Variants in SLC10A7 observed in about 807,000 individuals in gnomAD.
SLC10A7 encodes the protein solute carrier family 10 member 7, also known as sodium/bile acid cotransporter 7.
SLC10A7 carries 29 observed loss-of-function variants against 43.2 expected under a neutral mutation model. The observed-to-expected ratio is 0.67, with a 90% CI of 0.50 to 0.92. The LOEUF is 0.92. SLC10A7 is among the 40% of genes least tolerant of loss of function. The pLI, the probability that SLC10A7 is intolerant of heterozygous loss-of-function variation, is 0.00. For missense variants in SLC10A7, 295 were observed against 403.2 expected (o/e 0.73, Z 2.30); for synonymous variants, 152 against 144.8 (o/e 1.05, Z -0.35).
intron 4 of SLC10A7, among the ~76,000 whole-genome samples, chr4:146,454,250 T>C (rs936582773): frequency 1.1e-4 from 17 of 151,932 alleles, no homozygotes; most frequent in Admixed American, 6.6e-4. Context: ...ATAATTGAGG[T>C]GAAATTAAAC....
intron 5 of SLC10A7, among the ~76,000 whole-genome samples, chr4:146,389,980 G>T (rs956988281): frequency 6.6e-6 from 1 of 152,106 alleles, no homozygotes; most frequent in Non-Finnish European, 1.5e-5. Context: ...GCAACCTATG[G>T]AATCTCAAAA....
chr4:146,447,245 C>G lies in SLC10A7; in HGVS notation c.397-4424G>C, dbSNP rs954656068. Among the ~76,000 whole-genome samples the G allele has an allele frequency of 2.6e-5, 4 of 152,028 alleles. No individual in the cohort carries two copies. In the East Asian group the frequency reaches 7.7e-4, roughly 29 times the overall value. On this transcript the variant is annotated intron_variant, in intron 4 of 11. Transcript: ENST00000335472. Reference sequence around the variant, plus strand: ...CAGTATGACTGTAAACCATAAATGACCAAAAATTAGCCACCATGCCTAGCT... The same window carrying G: ...CAGTATGACTGTAAACCATAAATGAGCAAAAATTAGCCACCATGCCTAGCT...
chr4:146,506,256 T>A (rs1736882727), intron 3 of SLC10A7, among the ~76,000 whole-genome samples: 1 of 151,618 alleles, frequency 6.6e-6, no homozygotes, highest in Non-Finnish European at 1.5e-5. Flanking sequence ...TGAGATGCCA[T>A]CTCAAAAAAA....
At chr4:146,494,386 T>G (rs1231537692) in intron 4 of SLC10A7, among the ~76,000 whole-genome samples, 1 of 152,178 alleles carries the variant, frequency 6.6e-6, no homozygotes, top group Admixed American at 6.5e-5. Flanking sequence ...ACGTAAATAC[T>G]TCTCGCCCAA....
chr4:146,295,051 T>C (rs1730685564), intron 7 of SLC10A7, among the ~76,000 whole-genome samples: 1 of 152,164 alleles, frequency 6.6e-6, no homozygotes. Flanking sequence ...AGGGAACTTA[T>C]CCTGATAAGG....
At chr4:146,475,687 A>C (rs1733959404) in intron 4 of SLC10A7, among the ~76,000 whole-genome samples, 3 of 152,234 alleles carry the variant, frequency 2.0e-5, no homozygotes, top group Admixed American at 6.5e-5. Context: ...CCTCAGGTGA[A>C]GATAAATATA....
chr4:146,348,948 G>A (rs1418407182), intron 5 of SLC10A7, among the ~76,000 whole-genome samples: 3 of 152,096 alleles, frequency 2.0e-5, no homozygotes. Flanking sequence ...GAGACATTAG[G>A]AAATGCCTGA....
chr4:146,409,363 T>A (rs2149829339), intron 5 of SLC10A7, among the ~76,000 whole-genome samples: 1 of 144,028 alleles, frequency 6.9e-6, no homozygotes, highest in Non-Finnish European at 1.5e-5. Flanking sequence ...ACTGTCAAAC[T>A]CAAAAAAGTA....
chr4:146,396,128 A>T (rs1456587620), intron 5 of SLC10A7, among the ~76,000 whole-genome samples: 4 of 152,172 alleles, frequency 2.6e-5, no homozygotes, highest in Non-Finnish European at 4.4e-5. Context: ...AAGAGGATTG[A>T]TAAGGTAACT....
intron 6 of SLC10A7, among the ~76,000 whole-genome samples, chr4:146,308,896 G>C (rs930701236): frequency 6.6e-6 from 1 of 152,114 alleles, no homozygotes; most frequent in East Asian, 1.9e-4. Flanking sequence ...GGAAATTTAG[G>C]ATCTTTGCAT....
At chr4:146,425,842 G>C (rs781085429) in intron 5 of SLC10A7, among the ~76,000 whole-genome samples, 12 of 152,148 alleles carry the variant, frequency 7.9e-5, no homozygotes, top group Non-Finnish European at 1.8e-4. Context: ...ACCCTTGCAG[G>C]GGAGCCAGAC....
intron 4 of SLC10A7, among the ~76,000 whole-genome samples, chr4:146,491,722 AGGAAGGAAG>A (rs1366207976): frequency 1.2e-4 from 18 of 149,330 alleles, no homozygotes; most frequent in Non-Finnish European, 1.8e-4. Context: ...GAAGGAAGGA[AGGAAGGAAG>A]GAAGGAAGGA....
At chr4:146,414,151 G>C (rs1162587973) in intron 5 of SLC10A7, among the ~76,000 whole-genome samples, 1 of 152,066 alleles carries the variant, frequency 6.6e-6, no homozygotes, top group Non-Finnish European at 1.5e-5. Context: ...TATAGCCTTG[G>C]GGAAGCTGCA....
chr4:146,304,941 G>T (rs897244359), intron 7 of SLC10A7, among the ~76,000 whole-genome samples: 7 of 151,846 alleles, frequency 4.6e-5, no homozygotes, highest in African/African-American at 1.7e-4. Flanking sequence ...CTCCTGTGTT[G>T]GGTGCATATA....
intron 6 of SLC10A7, among the ~76,000 whole-genome samples, chr4:146,321,139 A>ACAAAGCCC (rs1197648615): frequency 1.3e-5 from 2 of 152,102 alleles, no homozygotes; most frequent in African/African-American, 4.8e-5. Flanking sequence ...TACTTCTATA[A>ACAAAGCCC]CAAAGCCCCA....
intron 5 of SLC10A7, among the ~76,000 whole-genome samples, chr4:146,376,513 GGA>G (rs1737212730): frequency 6.6e-6 from 1 of 152,074 alleles, no homozygotes; most frequent in African/African-American, 2.4e-5. Context: ...TGGTAAAGAA[GGA>G]GAGAGGAGGC....
rs560341996 is a variant in SLC10A7, at chr4:146,361,898, C to T, written c.436-35902G>A. Among the ~76,000 whole-genome samples the T allele has an allele frequency of 1.2e-3, 178 of 152,168 alleles. 1 individual carries two copies. Among genetic ancestry groups the T allele is most frequent in the African/African-American group, 4.1e-3 (171 of 41,538 alleles). Reference sequence around the variant, plus strand: ...GAAATTTAACAAAGAGATTGACATTCTTTTAAAAATCAAGCAAAAATTCTG... The same window carrying T: ...GAAATTTAACAAAGAGATTGACATTTTTTTAAAAATCAAGCAAAAATTCTG... On this transcript the variant is annotated intron_variant, in intron 5 of 11. Coordinates refer to ENST00000335472, the MANE Select transcript of SLC10A7 (RefSeq NM_001029998.6).
chr4:146,353,650 C>G (rs1344827352), intron 5 of SLC10A7, among the ~76,000 whole-genome samples: 2 of 71,938 alleles, frequency 2.8e-5, no homozygotes, highest in African/African-American at 5.4e-5. Context: ...AAAATACTGG[C>G]AAACTGAATC....
rs1737388838 is a variant in SLC10A7, at chr4:146,510,771, C to CA, written c.184-723dup. ...TTAATAAGACCTATCACATTTCAAC[C>CA]AAATACAGTAATTAACCTCTATTCA... On this transcript the variant is annotated intron_variant, in intron 2 of 11. Transcript: ENST00000335472. Among the ~76,000 whole-genome samples the CA allele has an allele frequency of 2.6e-5, 4 of 152,092 alleles. No individual in the cohort carries two copies. The South Asian group carries it at 6.2e-4, about 24-fold the overall frequency.
Sources: allele counts gnomAD v4.1 joint callset (sites outside exome capture counted in the v4.1 genomes callset), GRCh38; gene constraint gnomAD v4.1.1; transcripts MANE v1.5; gene names NCBI Gene and HGNC (gene_info 2026-07-23, HGNC 2026-07-21).